The following KDM4C variants were observed in gnomAD, a reference collection of about 807,000 sequenced individuals.
KDM4C encodes the protein lysine demethylase 4C, also known as lysine-specific demethylase 4C.
A neutral mutation model predicts 129.3 loss-of-function variants in KDM4C; 81 were observed. That is an observed-to-expected ratio of 0.63 (90% confidence interval 0.52 to 0.75). The LOEUF (loss-of-function observed/expected upper bound fraction) is 0.75, where lower values mean the gene tolerates loss of function less well. Among genes scored for constraint, KDM4C ranks in the 30% least tolerant of loss-of-function variants. The pLI is 0.00. For synonymous variants in KDM4C, 573 were observed against 456.1 expected, an observed-to-expected ratio of 1.26 and a Z score of -3.26; for missense variants, 1,457 against 1,304.0, an observed-to-expected ratio of 1.12 and a Z score of -1.81.
intron 12 of KDM4C, among the ~76,000 whole-genome samples, chr9:6,998,670 C>T (rs10975957): frequency 0.013 from 2,023 of 152,214 alleles, 22 homozygotes; most frequent in East Asian, 0.029. Flanking sequence ...GTGGCACACA[C>T]CTGTAATCCC....
At chr9:7,073,687 C>G (rs1020742479) in intron 17 of KDM4C, among the ~76,000 whole-genome samples, 44 of 152,136 alleles carry the variant, frequency 2.9e-4, no homozygotes, top group Admixed American at 9.2e-4. Flanking sequence ...TATTTCAGCC[C>G]TTGGGAGATA....
At chr9:6,988,526 A>G (rs1464515529) in intron 11 of KDM4C, among the ~76,000 whole-genome samples, 3 of 152,200 alleles carry the variant, frequency 2.0e-5, no homozygotes, top group Non-Finnish European at 4.4e-5. Flanking sequence ...TCCTAGATGT[A>G]ATACAGCCCC....
chr9:7,095,108 G>A lies in KDM4C; in HGVS notation c.2425-8577G>A, dbSNP rs567346469. On this transcript the variant is annotated intron_variant, in intron 17 of 21. Coordinates refer to ENST00000381309, the MANE Select transcript of KDM4C (RefSeq NM_015061.6). ...ATCTAAACTGTTAAAAAATGCCTGG[G>A]GGAAGTTGGACAGGATAGAGGTGCT... is the stretch of plus-strand genomic sequence containing the variant. Among the ~76,000 whole-genome samples, 10 of 152,350 alleles carry A rather than the reference G, an allele frequency of 6.6e-5. No individual in the cohort carries two copies. In the East Asian group the frequency reaches 1.5e-3, roughly 23 times the overall value.
Position 6,823,630 on chromosome 9 carries a change from C to T in KDM4C, c.435+8885C>T, listed in dbSNP as rs113347066. 2.1e-3 allele frequency among the ~76,000 whole-genome samples: 319 copies of T among 152,340 alleles called. 2 individuals are homozygous for T. The highest frequency in any genetic ancestry group is 7.2e-3 in the African/African-American group (301 of 41,574). ...TCCTTCGTTGCTGCTGCCTCCAGAT[C>T]TCCAAAGGTGTCCCCTACCCTCTCC... On this transcript the variant is annotated intron_variant, in intron 4 of 21. Coordinates refer to ENST00000381309, the MANE Select transcript of KDM4C (RefSeq NM_015061.6).
intron 1 of KDM4C, among the ~76,000 whole-genome samples, chr9:6,790,734 G>T (rs916779521): frequency 8.0e-5 from 12 of 150,684 alleles, no homozygotes; most frequent in Non-Finnish European, 1.8e-4. Flanking sequence ...CAGATGCCAG[G>T]TCCTAATGGA....
At chr9:6,853,508 A>T (rs973209740) in intron 5 of KDM4C, among the ~76,000 whole-genome samples, 5 of 152,132 alleles carry the variant, frequency 3.3e-5, no homozygotes, top group Admixed American at 2.6e-4. Context: ...ATAAAAAAAT[A>T]AATAAAAATA....
At chr9:6,800,284 T>C (rs1828684841) in intron 2 of KDM4C, among the ~76,000 whole-genome samples, 1 of 152,120 alleles carries the variant, frequency 6.6e-6, no homozygotes, top group Non-Finnish European at 1.5e-5. Flanking sequence ...CGAGAATCAC[T>C]TGAACCTGAG....
chr9:6,883,765 C>G (rs937428776), intron 6 of KDM4C, among the ~76,000 whole-genome samples: 11 of 152,078 alleles, frequency 7.2e-5, no homozygotes, highest in African/African-American at 2.4e-4. Flanking sequence ...TGGGCAGAGG[C>G]AGAGCCAGAA....
chr9:6,850,856 G>A (rs934721194), intron 5 of KDM4C, among the ~76,000 whole-genome samples: 5 of 152,192 alleles, frequency 3.3e-5, no homozygotes, highest in African/African-American at 1.2e-4. Flanking sequence ...CTAGGTTCAA[G>A]CGATTCTCCT....
intron 1 of KDM4C, among the ~76,000 whole-genome samples, chr9:6,760,959 G>A (rs1241806781): frequency 6.6e-6 from 1 of 151,060 alleles, no homozygotes; most frequent in East Asian, 1.9e-4. Context: ...CTAAAGTGGG[G>A]CTTTATTCTA....
chr9:6,800,455 C>G (rs150623246), intron 2 of KDM4C, among the ~76,000 whole-genome samples: 2 of 151,986 alleles, frequency 1.3e-5, no homozygotes, highest in Non-Finnish European at 2.9e-5. Flanking sequence ...GGGAGGATTT[C>G]TTGAGCCTGA....
Position 6,805,696 on chromosome 9 carries a change from C to T in KDM4C, c.242C>T (p.Ser81Leu). Reference protein sequence around the residue: ...APIQQMVTGQSGLFTQYNIQK... With the variant: ...APIQQMVTGQLGLFTQYNIQK... ...ATTCAGCAGATGGTCACAGGGCAGT[C>T]AGGACTGTTCACTCAGTACAACATC... The change falls in exon 3 of 22, where the codon TCA becomes TTA. Residue 81 changes from serine (S) to leucine (L), a missense_variant. Coordinates refer to ENST00000381309, the MANE Select transcript of KDM4C (RefSeq NM_015061.6). The T allele has an allele frequency of 6.2e-7, 1 of 1,614,088 alleles. No homozygotes were observed. The highest frequency in any genetic ancestry group is 8.5e-7 in the Non-Finnish European group (1 of 1,179,998).
intron 5 of KDM4C, among the ~76,000 whole-genome samples, chr9:6,850,868 C>T (rs1468718946): frequency 6.6e-6 from 1 of 152,180 alleles, no homozygotes; most frequent in Admixed American, 6.5e-5. Context: ...GATTCTCCTG[C>T]CTCAGCCTCC....
intron 8 of KDM4C, chr9:6,902,768 A>T (rs1249618303): frequency 1.3e-5 from 2 of 152,222 alleles, no homozygotes; most frequent in African/African-American, 4.8e-5. Flanking sequence ...TGTCAACAGC[A>T]GGCTGGGCAG....
At chr9:6,808,084 T>C (rs867300063) in intron 3 of KDM4C, among the ~76,000 whole-genome samples, 10 of 46,338 alleles carry the variant, frequency 2.2e-4, no homozygotes, top group Non-Finnish European at 3.2e-4. Context: ...GAGGAGCCCC[T>C]CTGCCCGGCC....
chr9:6,833,171 G>C (rs1835223453), intron 4 of KDM4C, among the ~76,000 whole-genome samples: 1 of 151,928 alleles, frequency 6.6e-6, no homozygotes, highest in South Asian at 2.1e-4. Context: ...CATATGGTTT[G>C]GGCCCCTTTA....
upstream of KDM4C, among the ~76,000 whole-genome samples, chr9:6,753,348 A>G (rs531133265): frequency 2.6e-5 from 4 of 152,324 alleles, no homozygotes; most frequent in East Asian, 5.8e-4. Context: ...TGATTATTAA[A>G]TCTATAAACA....
At chr9:6,964,889 G>A (rs1362732441) in intron 8 of KDM4C, among the ~76,000 whole-genome samples, 2 of 151,970 alleles carry the variant, frequency 1.3e-5, no homozygotes, top group Admixed American at 6.6e-5. Context: ...AGGAGGCGGA[G>A]GTTGCAGTGA....
intron 8 of KDM4C, among the ~76,000 whole-genome samples, chr9:6,979,382 G>A (rs2792226): frequency 0.42 from 63,194 of 151,922 alleles, 13,541 homozygotes; most frequent in African/African-American, 0.49. Flanking sequence ...CTGGATAGCC[G>A]GCTAGTATGC....
Sources: gnomAD v4.1 joint callset for allele counts (sites outside exome capture counted in the v4.1 genomes callset) on GRCh38, gnomAD v4.1.1 for gene constraint, MANE v1.5 for transcripts, NCBI Gene and HGNC (gene_info 2026-07-23, HGNC 2026-07-21) for gene names.